Variants in ADGB observed in about 807,000 individuals in gnomAD.
ADGB encodes the protein calpain-7-like protein.
Under a neutral mutation model 210.5 loss-of-function variants are expected in ADGB, and 172 were observed. The observed-to-expected ratio is 0.82, with a 90% confidence interval of 0.72 to 0.93. The LOEUF is 0.93. Ranked by LOEUF, ADGB falls within the 40% of genes least tolerant of loss-of-function variation. The pLI is 0.00. For synonymous variants in ADGB, 658 were observed against 662.7 expected (o/e 0.99, Z 0.11); for missense variants, 2,025 against 1,964.8 (o/e 1.03, Z -0.58).
At position 146,672,336 on chromosome 6, in the gene ADGB, A is replaced by G; in HGVS notation, c.956A>G (p.Glu319Gly). ...KIAVLDSKLK[E>G]PGKEGKEGKE... ...GCAGTGTTAGATTCTAAATTAAAAG[A>G]ACCAGGGAAAGAAGGGAAGGAGGGA... Residue 319 changes from glutamate (E) to glycine (G), a missense_variant, in exon 8 of 36, where the codon GAA becomes GGA. Transcript: ENST00000397944. 6.4e-7 allele frequency: 1 copy of G among 1,551,512 alleles called. No individual in the cohort carries two copies.
At chr6:146,763,161 A>T (rs1234439637) in intron 27 of ADGB, among the ~76,000 whole-genome samples, 1 of 152,178 alleles carries the variant, frequency 6.6e-6, no homozygotes, top group Non-Finnish European at 1.5e-5. Context: ...AATCTCTGGA[A>T]ATCAAGAGGT....
intron 33 of ADGB, among the ~76,000 whole-genome samples, chr6:146,791,417 C>T (rs1161093157): frequency 3.3e-5 from 5 of 152,248 alleles, no homozygotes; most frequent in East Asian, 3.9e-4. Context: ...AATCATGGCT[C>T]GCTGCAGCCT....
intron 35 of ADGB, chr6:146,803,103 TTGG>T (rs1778156333): frequency 6.6e-7 from 1 of 1,513,414 alleles, no homozygotes; most frequent in South Asian, 1.1e-5. Flanking sequence ...CTGTAAACAA[TTGG>T]TGAGCACAGG....
At chr6:146,719,255 C>T (rs1776780352) in intron 16 of ADGB, among the ~76,000 whole-genome samples, 1 of 152,180 alleles carries the variant, frequency 6.6e-6, no homozygotes, top group Non-Finnish European at 1.5e-5. Context: ...TTACTAAAGA[C>T]AGTTGCATAG....
Position 146,745,957 on chromosome 6 carries a change from C to T in ADGB, c.3213C>T (p.Gly1071=), listed in dbSNP as rs9647637. Residue 1071 remains glycine (G), a synonymous_variant, in exon 26 of 36, where the codon GGC becomes GGT. Transcript: ENST00000397944. ...CTTTTGTGGCGGAAGCATTTACAGG[C>T]GACACATATGTAGCAGCCTCACGAT... ...GYTFVAEAFT[G]DTYVAASRWK... 0.25 allele frequency: 390,977 copies of T among 1,548,306 alleles called. 52,337 individuals carry two copies. Among genetic ancestry groups the T allele is most frequent in the Non-Finnish European group, 0.28 (319,466 of 1,145,048 alleles).
intron 23 of ADGB, 32 bp from the exon 24 acceptor site, chr6:146,740,427 C>T (rs1777148379): frequency 5.4e-6 from 8 of 1,479,478 alleles, no homozygotes; most frequent in South Asian, 1.3e-5. Context: ...TGGCTTTTGC[C>T]ATTGATACAT....
intron 1 of ADGB, among the ~76,000 whole-genome samples, chr6:146,608,795 G>A (rs761836047): frequency 3.9e-5 from 6 of 152,102 alleles, no homozygotes; most frequent in Non-Finnish European, 8.8e-5. Context: ...CAAAGACATG[G>A]TTGATTTTAC....
chr6:146,617,850 T>C (rs1780827100), intron 1 of ADGB, among the ~76,000 whole-genome samples: 1 of 152,196 alleles, frequency 6.6e-6, no homozygotes, highest in South Asian at 2.1e-4. Flanking sequence ...GCCAGGACAG[T>C]TGTTCTTTGA....
At chr6:146,701,615 T>C (rs1420358104) in intron 13 of ADGB, among the ~76,000 whole-genome samples, 2 of 152,054 alleles carry the variant, frequency 1.3e-5, no homozygotes, top group African/African-American at 4.8e-5. Flanking sequence ...TTCTTTAGTT[T>C]CAGGGTTCAT....
chr6:146,698,866 G>T (rs1195839766), intron 12 of ADGB, among the ~76,000 whole-genome samples: 5 of 152,000 alleles, frequency 3.3e-5, no homozygotes, highest in Admixed American at 3.3e-4. Context: ...GGGACTACAG[G>T]CATGTTCCAC....
intron 1 of ADGB, among the ~76,000 whole-genome samples, chr6:146,623,403 C>G (rs1410890047): frequency 6.6e-6 from 1 of 151,818 alleles, no homozygotes; most frequent in Admixed American, 6.6e-5. Context: ...TTTCAGTCTA[C>G]TGGTCTTGAG....
chr6:146,640,681 T>C (rs1292309686), intron 2 of ADGB, among the ~76,000 whole-genome samples: 1 of 152,038 alleles, frequency 6.6e-6, no homozygotes, highest in East Asian at 1.9e-4. Flanking sequence ...TCTATATAAA[T>C]GCAGAAGAGG....
chr6:146,600,961 CACACAA>C (rs1780548561), intron 1 of ADGB, among the ~76,000 whole-genome samples: 1 of 130,858 alleles, frequency 7.6e-6, no homozygotes, highest in Non-Finnish European at 1.7e-5. Flanking sequence ...CACACACACA[CACACAA>C]ATAACTAAGT....
intron 10 of ADGB, among the ~76,000 whole-genome samples, chr6:146,689,118 A>G (rs1031631767): frequency 5.9e-5 from 9 of 152,276 alleles, no homozygotes; most frequent in African/African-American, 1.7e-4. Flanking sequence ...AGAATGTTTG[A>G]AATGAGCTGA....
At chr6:146,688,498 G>A (rs2114919105) in intron 10 of ADGB, among the ~76,000 whole-genome samples, 1 of 152,256 alleles carries the variant, frequency 6.6e-6, no homozygotes, top group South Asian at 2.1e-4. Context: ...GGAACTACTA[G>A]ATATTGACAT....
intron 11 of ADGB, among the ~76,000 whole-genome samples, 169 bp downstream of exon 11, chr6:146,691,459 A>AATATATATATATAT (rs1776319367): frequency 8.9e-5 from 4 of 44,740 alleles, no homozygotes; most frequent in South Asian, 8.3e-4. Context: ...TATATATATA[A>AATATATATATATAT]AAATATATAT....
At chr6:146,724,765 AC>A (rs1263254612) in intron 18 of ADGB, 1 of 152,152 alleles carries the variant, frequency 6.6e-6, no homozygotes, top group African/African-American at 2.4e-5. Context: ...ATTTTCCCCT[AC>A]CAATCTAGAT....
intron 12 of ADGB, among the ~76,000 whole-genome samples, chr6:146,694,544 C>T (rs1210963006): frequency 6.6e-6 from 1 of 152,122 alleles, no homozygotes; most frequent in East Asian, 1.9e-4. Context: ...CACCTTCAGA[C>T]CATAGCACCT....
At chr6:146,676,194 AATTT>A (rs1776080551) in intron 8 of ADGB, 115 bp from the exon 9 acceptor site, 10 of 911,454 alleles carry the variant, frequency 1.1e-5, no homozygotes, top group Non-Finnish European at 1.1e-5. Flanking sequence ...ATTATGGCAT[AATTT>A]TACATTAAAT....
Sources: gnomAD v4.1 joint callset for allele counts (sites outside exome capture counted in the v4.1 genomes callset) on GRCh38, gnomAD v4.1.1 for gene constraint, MANE v1.5 for transcripts, NCBI Gene and HGNC (gene_info 2026-07-23, HGNC 2026-07-21) for gene names.